Variants in IPO11 observed in about 807,000 individuals in gnomAD.
IPO11 encodes the protein importin-11.
A neutral mutation model predicts 143.2 loss-of-function variants in IPO11; 66 were observed. The observed-to-expected ratio is 0.46, with a 90% CI of 0.38 to 0.57. The LOEUF (loss-of-function observed/expected upper bound fraction) is 0.57, where lower values mean the gene tolerates loss of function less well. Ranked by LOEUF, IPO11 falls within the 20% of genes least tolerant of loss-of-function variation. The pLI is 0.00. For synonymous variants in IPO11, 385 were observed against 377.8 expected (o/e 1.02, Z -0.22); for missense variants, 1,026 against 1,141.0 (o/e 0.90, Z 1.45).
chr5:62,580,376 T>A, intron 27 of IPO11: 2 of 1,547,324 alleles, frequency 1.3e-6, no homozygotes, highest in East Asian at 4.9e-5. Flanking sequence ...AACAGAATAA[T>A]TAGCATTGAT....
At chr5:62,513,438 A>G in intron 19 of IPO11, among the ~76,000 whole-genome samples, 1 of 97,716 alleles carries the variant, frequency 1.0e-5, no homozygotes, top group African/African-American at 3.7e-5. Flanking sequence ...TCCCTCCCGG[A>G]CGGAGCGGCT....
chr5:62,606,315 T>TAA (rs58021440), intron 29 of IPO11, among the ~76,000 whole-genome samples: 2 of 136,750 alleles, frequency 1.5e-5, no homozygotes, highest in Admixed American at 7.4e-5. Flanking sequence ...ATCCTGCCTC[T>TAA]AAAAAAAAAA....
intron 3 of IPO11, 99 bp downstream of exon 3, chr5:62,443,182 A>C: frequency 3.0e-6 from 2 of 664,124 alleles, no homozygotes; most frequent in South Asian, 4.6e-5. Flanking sequence ...GTTAGCGCTT[A>C]CTTCTGCAGC....
At chr5:62,484,497 A>AT (rs1201187327) in intron 11 of IPO11, among the ~76,000 whole-genome samples, 1 of 147,488 alleles carries the variant, frequency 6.8e-6, no homozygotes, top group Non-Finnish European at 1.5e-5. Context: ...ATTCCATGTT[A>AT]TTTTTTATTT....
In IPO11 at chr5:62,547,646, C is replaced by T. The variant is rs10079686; in HGVS notation, c.2251-2721C>T. 9.4e-3 allele frequency among the ~76,000 whole-genome samples: 1,422 copies of T among 152,002 alleles called. 22 individuals are homozygous for T. The highest frequency in any genetic ancestry group is 0.032 in the African/African-American group (1,340 of 41,466). On this transcript the variant is annotated intron_variant, in intron 24 of 29. Transcript: ENST00000325324. ...TTTATCCCTGAAATATTTGTGTATA[C>T]GACTATGTTATTTATTTACTCAATC...
At chr5:62,575,297 C>T (rs536732257) in intron 27 of IPO11, among the ~76,000 whole-genome samples, 2 of 152,258 alleles carry the variant, frequency 1.3e-5, no homozygotes, top group South Asian at 2.1e-4. Context: ...CAGTTTGTTG[C>T]GTGATACACA....
At chr5:62,532,677 T>C (rs1291460756) in intron 22 of IPO11, among the ~76,000 whole-genome samples, 2 of 152,168 alleles carry the variant, frequency 1.3e-5, no homozygotes, top group African/African-American at 2.4e-5. Context: ...GTTTTAATGA[T>C]AGAAATCTTT....
intron 19 of IPO11, chr5:62,512,614 T>TA (rs1741796959): frequency 1.9e-6 from 1 of 519,126 alleles, no homozygotes; most frequent in Non-Finnish European, 3.4e-6. Context: ...TTAATTTTAT[T>TA]TTTTTTTTAA....
intron 26 of IPO11, among the ~76,000 whole-genome samples, chr5:62,558,369 C>T (rs1440807329): frequency 1.3e-5 from 2 of 152,016 alleles, no homozygotes; most frequent in Admixed American, 6.6e-5. Flanking sequence ...TCAAGAACTA[C>T]GTAAATATAG....
intron 27 of IPO11, among the ~76,000 whole-genome samples, chr5:62,584,629 A>T (rs1744699346): frequency 6.7e-6 from 1 of 150,286 alleles, no homozygotes; most frequent in Admixed American, 6.6e-5. Flanking sequence ...AAAAAAAAAA[A>T]AAAAAAAAAG....
intron 1 of IPO11, among the ~76,000 whole-genome samples, chr5:62,432,037 A>G (rs574753262): frequency 1.0e-3 from 157 of 152,270 alleles, no homozygotes; most frequent in African/African-American, 3.6e-3. Context: ...TTTTCTTCTT[A>G]AACCCCTTCA....
At chr5:62,508,138 C>CT (rs537335193) in intron 19 of IPO11, among the ~76,000 whole-genome samples, 2 of 151,776 alleles carry the variant, frequency 1.3e-5, no homozygotes, top group Non-Finnish European at 2.9e-5. Context: ...CAAATTTTAT[C>CT]TTTTTTGAGA....
Position 62,470,144 on chromosome 5 carries a change from A to G in IPO11, c.650-106A>G, listed in dbSNP as rs1464179230. On this transcript the variant is annotated intron_variant, in intron 6 of 29. Transcript: ENST00000325324. The stretch of plus-strand genomic sequence containing the variant: ...ACCAGGAGTTAACTTTCCAACCCAG[A>G]TTAACCTCCAAGCTTGATTAAGTTT... 7.4e-6 allele frequency: 8 copies of G among 1,074,190 alleles called. No individual in the cohort carries two copies. The South Asian group carries it at 7.9e-5, about 11-fold the overall frequency. The allele number at this position is 1,074,190 out of a possible 1,614,324, so 66.5% of individuals were successfully genotyped here. A position where few individuals can be genotyped will look rare whatever the true frequency, so the allele number is the denominator to read the frequency against.
Position 62,431,637 on chromosome 5 carries a change from T to TAGCCATTGAAACAAGGCATGCAGACTAGC in IPO11, c.-6-5609_-6-5608insCAGCCATTGAAACAAGGCATGCAGACTAG, listed in dbSNP as rs528230865. Among the ~76,000 whole-genome samples the TAGCCATTGAAACAAGGCATGCAGACTAGC allele has an allele frequency of 5.3e-5, 8 of 152,204 alleles. No individual in the cohort carries two copies. In the East Asian group the frequency reaches 1.2e-3, roughly 22 times the overall value. ...AGCTGTACCACCGGCTTACTCAAGA[T>TAGCCATTGAAACAAGGCATGCAGACTAGC]AGCCATTGAAACAAGGCATGCAGAC... On this transcript the variant is annotated intron_variant, in intron 1 of 29. Coordinates refer to ENST00000325324, the MANE Select transcript of IPO11 (RefSeq NM_016338.5).
rs777582244 is a variant in IPO11, at chr5:62,627,239, A to G, written c.2849A>G (p.Glu950Gly). Residue 950 changes from glutamate (E) to glycine (G), a missense_variant, in exon 30 of 30, where the codon GAA (glutamate) becomes GGA (glycine). Transcript: ENST00000325324. The stretch of plus-strand genomic sequence containing the variant: ...AAGGCACAGCAGGAGATGCTAGGAG[A>G]ACAAGGTTTCCAGTCCCTCATGGAA... ...KLKAQQEMLG[E>G]QGFQSLMETV... The G allele has an allele frequency of 7.6e-5, 122 of 1,614,008 alleles. No homozygotes were observed. The highest frequency in any genetic ancestry group is 9.7e-5 in the Non-Finnish European group (115 of 1,179,994).
chr5:62,538,545 C>A (rs991773528), intron 24 of IPO11, among the ~76,000 whole-genome samples: 1 of 152,162 alleles, frequency 6.6e-6, no homozygotes, highest in South Asian at 2.1e-4. Context: ...GCACTTCTTC[C>A]TGCTGCCCTG....
chr5:62,569,723 AAT>A (rs1744072678), intron 27 of IPO11, among the ~76,000 whole-genome samples: 1 of 152,218 alleles, frequency 6.6e-6, no homozygotes, highest in Non-Finnish European at 1.5e-5. Context: ...ATGCGAGGAA[AAT>A]AGAGACATGA....
intron 1 of IPO11, among the ~76,000 whole-genome samples, chr5:62,415,000 T>A (rs1743236380): frequency 6.6e-6 from 1 of 152,178 alleles, no homozygotes; most frequent in African/African-American, 2.4e-5. Context: ...CTTTTGCTGG[T>A]TACTGTCAGA....
chr5:62,530,612 T>G (rs1163086333), intron 21 of IPO11, 97 bp from the exon 22 acceptor site: 2 of 694,570 alleles, frequency 2.9e-6, no homozygotes, highest in African/African-American at 1.8e-5. Context: ...CACTTACCTT[T>G]CTTCATTTAA....
Sources: allele counts gnomAD v4.1 joint callset (sites outside exome capture counted in the v4.1 genomes callset), GRCh38; gene constraint gnomAD v4.1.1; transcripts MANE v1.5; gene names NCBI Gene and HGNC (gene_info 2026-07-23, HGNC 2026-07-21).